Variants in MS4A4E observed in about 807,000 individuals in gnomAD.
MS4A4E encodes putative membrane-spanning 4-domains subfamily A member 4E.
Under a neutral mutation model 13.3 loss-of-function variants are expected in MS4A4E, and 23 were observed. The ratio of observed to expected loss-of-function variants is 1.73; its 90% CI spans 1.25 to 2.45. MS4A4E has a LOEUF of 2.45. Ranked by LOEUF, MS4A4E falls within the 30% of genes most tolerant of loss-of-function variation. MS4A4E has a pLI of 0.00. For synonymous variants in MS4A4E, 36 were observed against 45.6 expected, an observed-to-expected ratio of 0.79 and a Z score of 0.85; for missense variants, 144 against 131.2, an observed-to-expected ratio of 1.10 and a Z score of -0.48.
rs73485324 is a variant in MS4A4E, at chr11:60,234,972, T to C, written c.-16-4901A>G. On this transcript the variant is annotated intron_variant, in intron 1 of 8. Transcript: ENST00000651255. ...GAAAGTGAAGGGATGAAATACTCCATGCAAATAGTAGTCAAAGGAGAAGGA... is the reference window on the plus strand; with the variant it reads ...GAAAGTGAAGGGATGAAATACTCCACGCAAATAGTAGTCAAAGGAGAAGGA... 4.0e-3 allele frequency among the ~76,000 whole-genome samples: 602 copies of C among 151,934 alleles called. 4 individuals carry two copies. The highest frequency in any genetic ancestry group is 0.014 in the African/African-American group (591 of 41,444).
intron 3 of MS4A4E, among the ~76,000 whole-genome samples, chr11:60,219,260 A>G (rs1321054253): frequency 6.6e-6 from 1 of 152,220 alleles, no homozygotes; most frequent in Non-Finnish European, 1.5e-5. Context: ...TAGAAACTGT[A>G]GTCACTCAAC....
intron 5 of MS4A4E, among the ~76,000 whole-genome samples, chr11:60,210,728 C>T (rs2084110120): frequency 6.6e-6 from 1 of 151,758 alleles, no homozygotes; most frequent in African/African-American, 2.4e-5. Flanking sequence ...GGGGCATACA[C>T]TATGGGCTCA....
rs1323017662 is a variant in MS4A4E, at chr11:60,235,146, T to C, written c.-16-5075A>G. Among the ~76,000 whole-genome samples the C allele has an allele frequency of 2.0e-5, 3 of 152,116 alleles. No individual in the cohort carries two copies. In the East Asian group the frequency reaches 5.8e-4, roughly 29 times the overall value. The stretch of plus-strand genomic sequence containing the variant: ...ACTACCAGAAGTTTTTGAGACAGGG[T>C]CTCACTCTATCACACAAGCTGGAGT... On this transcript the variant is annotated intron_variant, in intron 1 of 8. Transcript: ENST00000651255.
chr11:60,212,137 A>G (rs1439736264), intron 5 of MS4A4E, among the ~76,000 whole-genome samples: 1 of 152,158 alleles, frequency 6.6e-6, no homozygotes, highest in Non-Finnish European at 1.5e-5. Context: ...GGTACAAAAA[A>G]AGTAGTAAAA....
intron 3 of MS4A4E, among the ~76,000 whole-genome samples, chr11:60,218,054 G>A (rs1390075404): frequency 6.6e-6 from 1 of 152,154 alleles, no homozygotes; most frequent in African/African-American, 2.4e-5. Context: ...AACATCCCTG[G>A]GAAAGAGAAT....
Position 60,201,244 on chromosome 11 carries a change from G to GT in MS4A4E, c.*298_*299insA. 1 of 137,332 alleles carries GT rather than the reference G, an allele frequency of 7.3e-6. No individual in the cohort carries two copies. Among genetic ancestry groups the GT allele is most frequent in the Non-Finnish European group, 1.5e-5 (1 of 65,372 alleles). 8.5% of individuals were successfully genotyped at this position (137,332 alleles called of 1,614,324 possible). ...GGGGCGGCTGGCCGGGCGGGGGGCT[G>GT]ACCCCCCCCACCTCCCTCCCGGATG... On this transcript the variant is annotated 3_prime_UTR_variant, in exon 9 of 9. Transcript: ENST00000651255.
At chr11:60,203,656 C>A (rs551967752) in intron 8 of MS4A4E, among the ~76,000 whole-genome samples, 3 of 152,066 alleles carry the variant, frequency 2.0e-5, no homozygotes, top group South Asian at 2.1e-4. Flanking sequence ...GGCTGAGGTG[C>A]GAGGATGGCT....
At chr11:60,217,406 A>C (rs1452261831) in intron 3 of MS4A4E, among the ~76,000 whole-genome samples, 1 of 150,630 alleles carries the variant, frequency 6.6e-6, no homozygotes, top group Non-Finnish European at 1.5e-5. Context: ...GTAAACTCTC[A>C]GGAGCCTTTT....
At chr11:60,216,063 G>C (rs1299831107) in intron 3 of MS4A4E, among the ~76,000 whole-genome samples, 1 of 152,178 alleles carries the variant, frequency 6.6e-6, no homozygotes, top group East Asian at 1.9e-4. Flanking sequence ...CTGGCTCTTG[G>C]TACTGGTACT....
intron 1 of MS4A4E, among the ~76,000 whole-genome samples, chr11:60,233,947 A>G (rs1012789220): frequency 4.6e-5 from 7 of 152,220 alleles, no homozygotes; most frequent in South Asian, 2.1e-4. Flanking sequence ...GAGGGCCCCA[A>G]TCAGCACTCC....
At chr11:60,210,394 A>C (rs191959110) in intron 5 of MS4A4E, among the ~76,000 whole-genome samples, 3 of 152,350 alleles carry the variant, frequency 2.0e-5, no homozygotes, top group Non-Finnish European at 4.4e-5. Flanking sequence ...ACTCTGGGAA[A>C]GGTGACTGAA....
At chr11:60,224,931 T>C (rs1213315322) in intron 3 of MS4A4E, 2 of 1,469,582 alleles carry the variant, frequency 1.4e-6, no homozygotes, top group Admixed American at 4.3e-5. Context: ...TCTATTATGT[T>C]ATATCCAATT....
At chr11:60,223,869 T>C (rs2134951675) in intron 3 of MS4A4E, among the ~76,000 whole-genome samples, 1 of 152,266 alleles carries the variant, frequency 6.6e-6, no homozygotes, top group Middle Eastern at 3.4e-3. Flanking sequence ...ATTGTGTGAC[T>C]CAATACTCCC....
chr11:60,205,901 A>T (rs1292208573), intron 6 of MS4A4E, among the ~76,000 whole-genome samples, 81 bp from the exon 7 acceptor site: 1 of 152,230 alleles, frequency 6.6e-6, no homozygotes, highest in Non-Finnish European at 1.5e-5. Flanking sequence ...CACAGGATAC[A>T]CATTTGATTA....
chr11:60,213,253 A>AC, intron 4 of MS4A4E, 121 bp from the exon 5 acceptor site: 1 of 1,529,774 alleles, frequency 6.5e-7, no homozygotes, highest in South Asian at 1.2e-5. Context: ...TTGTCTCCTT[A>AC]TAGTGGTTTC....
chr11:60,227,002 A>T (rs984264421), intron 3 of MS4A4E, among the ~76,000 whole-genome samples: 22 of 152,196 alleles, frequency 1.4e-4, no homozygotes, highest in Non-Finnish European at 3.1e-4. Flanking sequence ...AATAAGTGAA[A>T]TTTGAAATTA....
At chr11:60,218,184 A>G (rs1295612257) in intron 3 of MS4A4E, among the ~76,000 whole-genome samples, 2 of 152,180 alleles carry the variant, frequency 1.3e-5, no homozygotes, top group African/African-American at 4.8e-5. Flanking sequence ...TATTAGGAAG[A>G]GGAAATTCCC....
chr11:60,207,384 T>C (rs530771648), intron 6 of MS4A4E, among the ~76,000 whole-genome samples: 3 of 152,304 alleles, frequency 2.0e-5, no homozygotes, highest in African/African-American at 7.2e-5. Flanking sequence ...ACATGAAAGT[T>C]ACTTCACTTG....
At chr11:60,230,164 C>T in intron 1 of MS4A4E, 93 bp from the exon 2 acceptor site, 1 of 1,364,268 alleles carries the variant, frequency 7.3e-7, no homozygotes, top group Non-Finnish European at 9.7e-7. Flanking sequence ...AGGACAAAAC[C>T]TGGTCTACAT....
Sources: gnomAD v4.1 joint callset for allele counts (sites outside exome capture counted in the v4.1 genomes callset) on GRCh38, gnomAD v4.1.1 for gene constraint, MANE v1.5 for transcripts, NCBI Gene and HGNC (gene_info 2026-07-23, HGNC 2026-07-21) for gene names.